GAREM1: variants seen among roughly 807,000 people sequenced by gnomAD.
GAREM1 encodes the protein GRB2-associated and regulator of MAPK protein 1.
In GAREM1, 26 loss-of-function variants were observed where a neutral mutation model predicts 71.3. That is an observed-to-expected ratio of 0.36 (90% CI 0.27 to 0.51). The LOEUF (loss-of-function observed/expected upper bound fraction) is 0.51. Ranked by LOEUF, GAREM1 falls within the 20% of genes least tolerant of loss-of-function variation. The pLI, the probability that GAREM1 is intolerant of heterozygous loss-of-function variation, is 0.95. For synonymous variants in GAREM1, 440 were observed against 433.2 expected (o/e 1.02, Z -0.20); for missense variants, 1,026 against 1,103.1 (o/e 0.93, Z 0.99).
chr18:32,453,361 TAAACTACCAC>T (rs2048858969), intron 1 of GAREM1, among the ~76,000 whole-genome samples: 1 of 152,112 alleles, frequency 6.6e-6, no homozygotes. Flanking sequence ...ACTGCTATAA[TAAACTACCAC>T]AAACTGAATG....
chr18:32,316,264 A>AT (rs2047377191), intron 2 of GAREM1, among the ~76,000 whole-genome samples: 1 of 152,254 alleles, frequency 6.6e-6, no homozygotes. Context: ...AGTATATCAG[A>AT]TTAATAGATT....
chr18:32,403,781 G>A (rs1252156892), intron 1 of GAREM1, among the ~76,000 whole-genome samples: 1 of 152,168 alleles, frequency 6.6e-6, no homozygotes, highest in Admixed American at 6.6e-5. Flanking sequence ...GTGATTTTAT[G>A]GCTTTGCTTA....
Position 32,339,133 on chromosome 18 carries a change from A to G in GAREM1, c.263-28810T>C, listed in dbSNP as rs149515630. On this transcript the variant is annotated intron_variant, in intron 2 of 5. Transcript: ENST00000269209. ...CCTCTATCTATAAATACCACCCCCT[A>G]TCCTCCAACTCTGCTGCCAACTGGT... 2.7e-3 allele frequency among the ~76,000 whole-genome samples: 410 copies of G among 152,220 alleles called. 1 individual carries two copies. The highest frequency in any genetic ancestry group is 3.8e-3 in the Non-Finnish European group (255 of 67,988).
intron 1 of GAREM1, among the ~76,000 whole-genome samples, chr18:32,434,315 A>G (rs1392072420): frequency 6.6e-6 from 1 of 152,176 alleles, no homozygotes; most frequent in Non-Finnish European, 1.5e-5. Flanking sequence ...GACATTTGTT[A>G]TTAGATATAC....
At chr18:32,310,942 C>T (rs1006503944) in intron 2 of GAREM1, among the ~76,000 whole-genome samples, 2 of 152,194 alleles carry the variant, frequency 1.3e-5, no homozygotes, top group African/African-American at 4.8e-5. Flanking sequence ...GTCTGGTGAG[C>T]TTCCTCTCAA....
chr18:32,393,874 C>T (rs555169086), intron 1 of GAREM1, among the ~76,000 whole-genome samples: 34 of 152,192 alleles, frequency 2.2e-4, no homozygotes, highest in Non-Finnish European at 4.4e-4. Context: ...ATTTTCAGTG[C>T]TCAATGAAAA....
intron 4 of GAREM1, among the ~76,000 whole-genome samples, chr18:32,283,553 AC>A (rs2046976689): frequency 6.7e-6 from 1 of 148,688 alleles, no homozygotes; most frequent in Non-Finnish European, 1.5e-5. Context: ...CTCAAAAAAA[AC>A]AAAACAAAAA....
chr18:32,393,926 T>G (rs1318454724), intron 1 of GAREM1, among the ~76,000 whole-genome samples: 1 of 152,224 alleles, frequency 6.6e-6, no homozygotes, highest in African/African-American at 2.4e-5. Flanking sequence ...ACAGCCTTAT[T>G]TTGACACTAT....
At position 32,363,115 on chromosome 18, in the gene GAREM1, A is replaced by T. The variant is rs373532403; in HGVS notation, c.262+29780T>A. ...CCAAATTGATGGGCCTGAAACAAAT[A>T]TTCCTGAAAAACTGGATATACCAAA... On this transcript the variant is annotated intron_variant, in intron 2 of 5. Coordinates refer to ENST00000269209, the MANE Select transcript of GAREM1 (RefSeq NM_001242409.2). 7.2e-5 allele frequency among the ~76,000 whole-genome samples: 11 copies of T among 152,276 alleles called. No homozygotes were observed. In the East Asian group the frequency reaches 1.2e-3, roughly 16 times the overall value.
intron 1 of GAREM1, among the ~76,000 whole-genome samples, chr18:32,441,963 C>G (rs1445707931): frequency 1.3e-5 from 2 of 152,022 alleles, no homozygotes; most frequent in Non-Finnish European, 1.5e-5. Context: ...AAAGCTGCTT[C>G]CATCCATAAT....
At chr18:32,309,598 A>G (rs1285744946) in intron 3 of GAREM1, among the ~76,000 whole-genome samples, 4 of 140,094 alleles carry the variant, frequency 2.9e-5, no homozygotes, top group African/African-American at 1.1e-4. Context: ...CCTGGGTGAC[A>G]GAGCAAGACT....
chr18:32,325,446 T>C (rs951018950), intron 2 of GAREM1, among the ~76,000 whole-genome samples: 3 of 152,262 alleles, frequency 2.0e-5, no homozygotes, highest in Admixed American at 1.3e-4. Flanking sequence ...ATGTTAATGG[T>C]GGAGGCTCTG....
intron 2 of GAREM1, among the ~76,000 whole-genome samples, chr18:32,365,496 G>A (rs2047921766): frequency 1.3e-5 from 2 of 152,124 alleles, no homozygotes; most frequent in African/African-American, 2.4e-5. Context: ...CTCACATGTA[G>A]TACAAAACTA....
chr18:32,427,653 A>G (rs2048588166), intron 1 of GAREM1, among the ~76,000 whole-genome samples: 1 of 152,212 alleles, frequency 6.6e-6, no homozygotes, highest in Non-Finnish European at 1.5e-5. Flanking sequence ...ACATCATAAA[A>G]ATCAAAATCA....
chr18:32,470,286 C>T lies in GAREM1; in HGVS notation c.121+22G>A, dbSNP rs1345107805. On this transcript the variant is annotated intron_variant, in intron 1 of 5. Transcript: ENST00000269209. The surrounding 1 kb of genome is among the most constrained non-coding windows in gnomAD (Gnocchi z 4.4). ...AGACGGCTGTCCTCGCCCGTCTGCCCCGCGCCCCAGCTGGGACTCACCGTT... is the reference window on the plus strand; with the variant it reads ...AGACGGCTGTCCTCGCCCGTCTGCCTCGCGCCCCAGCTGGGACTCACCGTT... The T allele has an allele frequency of 6.7e-7, 1 of 1,492,286 alleles. No individual in the cohort carries two copies. The highest frequency in any genetic ancestry group is 8.9e-7 in the Non-Finnish European group (1 of 1,118,224). The allele number at this position is 1,492,286 out of a possible 1,614,324, so 92.4% of individuals were successfully genotyped here.
chr18:32,424,230 G>C (rs2048551744), intron 1 of GAREM1, among the ~76,000 whole-genome samples: 1 of 151,764 alleles, frequency 6.6e-6, no homozygotes, highest in African/African-American at 2.4e-5. Context: ...TAAATGCTAA[G>C]CCTGTGACAC....
chr18:32,287,150 C>G lies in GAREM1; in HGVS notation c.1447G>C (p.Gly483Arg). The stretch of plus-strand genomic sequence containing the variant: ...GTCGCACATTTGGATCGGACAGAAC[C>G]TCTAAACTGATCACATCTGTTCTTC... ...SEKNRCDQFRGSVRSKCATSP... is the reference protein window; with the variant it reads ...SEKNRCDQFRRSVRSKCATSP... The change falls in exon 4 of 6, where the codon GGT becomes CGT. Residue 483 changes from glycine (G) to arginine (R), a missense_variant. Around this residue, in one of 3 missense-constraint regions of GAREM1, gnomAD observed 636 missense variants for 631.2 expected, o/e 1.01. Transcript: ENST00000269209. The surrounding 1 kb of genome is among the most constrained non-coding windows in gnomAD (Gnocchi z 5.9). The G allele has an allele frequency of 6.2e-7, 1 of 1,614,236 alleles. No individual in the cohort carries two copies. Among genetic ancestry groups the G allele is most frequent in the South Asian group, 1.1e-5 (1 of 91,086 alleles).
intron 1 of GAREM1, among the ~76,000 whole-genome samples, chr18:32,413,780 CCCA>C (rs1340865475): frequency 2.0e-5 from 3 of 151,888 alleles, no homozygotes; most frequent in Non-Finnish European, 4.4e-5. Context: ...GGAAAAAAAA[CCCA>C]CCAAAACAAA....
intron 2 of GAREM1, among the ~76,000 whole-genome samples, chr18:32,349,165 T>C (rs964617808): frequency 1.3e-5 from 2 of 152,176 alleles, no homozygotes; most frequent in Admixed American, 1.3e-4. Flanking sequence ...ATAGAACAGG[T>C]TTTATTTTAA....
Sources: gnomAD v4.1 joint callset for allele counts (sites outside exome capture counted in the v4.1 genomes callset) on GRCh38, gnomAD v4.1.1 for gene constraint, gnomAD v4.1.1 regional missense constraint, Gnocchi (gnomAD v3.1) non-coding constraint, MANE v1.5 for transcripts, NCBI Gene and HGNC (gene_info 2026-07-23, HGNC 2026-07-21) for gene names.